Variants in SHQ1 observed in about 807,000 individuals in gnomAD.
The protein encoded by SHQ1 is protein SHQ1 homolog.
SHQ1 carries 49 observed loss-of-function variants against 53.8 expected under a neutral mutation model. That is an observed-to-expected ratio of 0.91 (90% confidence interval 0.72 to 1.16). The LOEUF is 1.16. Among genes scored for constraint, SHQ1 ranks in the 50% most tolerant of loss-of-function variants. The probability of loss-of-function intolerance (pLI) is 0.00; values close to 1 mark genes in which losing one functional copy is unlikely to be tolerated. For synonymous variants in SHQ1, 243 were observed against 251.0 expected (o/e 0.97, Z 0.30); for missense variants, 738 against 683.1 (o/e 1.08, Z -0.90).
intron 9 of SHQ1, among the ~76,000 whole-genome samples, chr3:72,811,981 C>T (rs1415985914): frequency 6.6e-6 from 1 of 152,098 alleles, no homozygotes; most frequent in African/African-American, 2.4e-5. Flanking sequence ...ATGGATGTTG[C>T]CCCCTTCAAA....
At chr3:72,834,620 G>A (rs745939027) in intron 4 of SHQ1, among the ~76,000 whole-genome samples, 1 of 152,324 alleles carries the variant, frequency 6.6e-6, no homozygotes, top group East Asian at 1.9e-4. Context: ...ATTACTGGCT[G>A]TCTCCAAACT....
the SHQ1 span, among the ~76,000 whole-genome samples, chr3:72,743,116 C>T: frequency 6.6e-6 from 1 of 152,154 alleles, no homozygotes; most frequent in African/African-American, 2.4e-5. Context: ...ATGTCAGCAC[C>T]CTCTGCACGC....
In SHQ1 at chr3:72,845,432, G is replaced by T. The variant is rs541521439; in HGVS notation, c.144-1009C>A. ...CAGGAAGGGGAGGTTGCAGTGAGCCGAGATCATTTGCCACTGCACTCCAGC... is the reference window on the plus strand; with the variant it reads ...CAGGAAGGGGAGGTTGCAGTGAGCCTAGATCATTTGCCACTGCACTCCAGC... On this transcript the variant is annotated intron_variant, in intron 1 of 10. Transcript: ENST00000325599. 2.0e-5 allele frequency among the ~76,000 whole-genome samples: 3 copies of T among 151,586 alleles called. No homozygotes were observed. The South Asian group carries it at 6.2e-4, about 32-fold the overall frequency.
chr3:72,763,063 A>ACACACACACACACT (rs1491509394), intron 10 of SHQ1, among the ~76,000 whole-genome samples: 1 of 88,008 alleles, frequency 1.1e-5, no homozygotes, highest in African/African-American at 4.1e-5. Flanking sequence ...ACACACACAC[A>ACACACACACACACT]GAGAGAGAGA....
At chr3:72,787,430 T>C (rs1241017697) in intron 10 of SHQ1, among the ~76,000 whole-genome samples, 1 of 152,194 alleles carries the variant, frequency 6.6e-6, no homozygotes, top group Non-Finnish European at 1.5e-5. Context: ...AATTTTTCCA[T>C]GTAGCAAAAA....
In SHQ1 at chr3:72,762,921, T is replaced by C. The variant is rs1218158994; in HGVS notation, c.1182-12085A>G. Among the ~76,000 whole-genome samples the C allele has an allele frequency of 2.0e-5, 3 of 149,004 alleles. No homozygotes were observed. In the East Asian group the frequency reaches 5.8e-4, roughly 29 times the overall value. ...AACCCCTTACCTCCGGTGATCCATCTGCCTCAGCCTCCCAAAGTGCTGGGA... is the reference window on the plus strand; with the variant it reads ...AACCCCTTACCTCCGGTGATCCATCCGCCTCAGCCTCCCAAAGTGCTGGGA... On this transcript the variant is annotated intron_variant, in intron 10 of 10. Transcript: ENST00000325599.
chr3:72,843,687 A>T (rs1708245666), intron 2 of SHQ1, among the ~76,000 whole-genome samples: 1 of 152,174 alleles, frequency 6.6e-6, no homozygotes, highest in African/African-American at 2.4e-5. Context: ...CAGTTTCACT[A>T]TACTTCATTA....
chr3:72,750,490 G>A lies in SHQ1; in HGVS notation c.1528C>T (p.Arg510Cys), dbSNP rs145150877. Residue 510 changes from arginine (R) to cysteine (C), a missense_variant, in exon 11 of 11, where the codon CGC (arginine) becomes TGC (cysteine). By Grantham distance (180) the Arg-to-Cys change is radical. Coordinates refer to ENST00000325599, the MANE Select transcript of SHQ1 (RefSeq NM_018130.3). ...SAFLIVDGGV[R>C]RNTAIQESDA... ...GACTCCTGGATGGCTGTGTTTCTGCGTACTCCACCATCAACAATAAGAAAG... is the reference window on the plus strand; with the variant it reads ...GACTCCTGGATGGCTGTGTTTCTGCATACTCCACCATCAACAATAAGAAAG... 6.8e-5 allele frequency: 110 copies of A among 1,614,120 alleles called. No homozygotes were observed. The Middle Eastern group carries it at 8.2e-4, about 12-fold the overall frequency.
chr3:72,737,173 G>T, the SHQ1 span, among the ~76,000 whole-genome samples: 1 of 151,986 alleles, frequency 6.6e-6, no homozygotes, highest in Non-Finnish European at 1.5e-5. Context: ...AGCTACTCAG[G>T]AGACTGAGGC....
At chr3:72,732,388 G>GCCTTCTTTCCTTCCTTCCTTCCTTCCTT in the SHQ1 span, among the ~76,000 whole-genome samples, 1 of 58,112 alleles carries the variant, frequency 1.7e-5, no homozygotes, top group Non-Finnish European at 3.7e-5. Context: ...CTGCCTGCCT[G>GCCTTCTTTCCTTCCTTCCTTCCTTCCTT]CCTTCCTTCC....
At chr3:72,838,326 TAG>T (rs1559699097) in intron 4 of SHQ1, among the ~76,000 whole-genome samples, 2 of 152,218 alleles carry the variant, frequency 1.3e-5, no homozygotes, top group African/African-American at 2.4e-5. Context: ...ATAAAACCCT[TAG>T]AGTTTTCCCA....
At chr3:72,828,127 T>C (rs1707717622) in intron 5 of SHQ1, among the ~76,000 whole-genome samples, 1 of 152,184 alleles carries the variant, frequency 6.6e-6, no homozygotes, top group Admixed American at 6.5e-5. Context: ...ATCAGGAAGA[T>C]GAAGATCTGT....
At chr3:72,732,376 GCCTGCCTGCCTGCCTTCCTT>G in the SHQ1 span, among the ~76,000 whole-genome samples, 449 of 100,126 alleles carry the variant, frequency 4.5e-3, 6 homozygotes, top group African/African-American at 0.017. Flanking sequence ...CTGCCTGCCT[GCCTGCCTGCCTGCCTTCCTT>G]CCTTCCTTCC....
At chr3:72,787,778 T>C (rs1284648729) in intron 10 of SHQ1, among the ~76,000 whole-genome samples, 2 of 150,828 alleles carry the variant, frequency 1.3e-5, no homozygotes, top group Non-Finnish European at 3.0e-5. Context: ...GAGGCTGGAC[T>C]GTACTGCCGC....
intron 5 of SHQ1, among the ~76,000 whole-genome samples, chr3:72,828,696 A>G (rs1412954724): frequency 6.6e-6 from 1 of 152,110 alleles, no homozygotes; most frequent in African/African-American, 2.4e-5. Context: ...CTCTGTCTCA[A>G]AAAAAAGAGA....
intron 10 of SHQ1, chr3:72,772,963 G>A (rs1705887106): frequency 9.1e-6 from 10 of 1,104,348 alleles, no homozygotes; most frequent in South Asian, 9.0e-5. Context: ...ACAAAATCAA[G>A]AAGAAGAAAG....
At chr3:72,837,895 C>T (rs981709658) in intron 4 of SHQ1, among the ~76,000 whole-genome samples, 6 of 152,200 alleles carry the variant, frequency 3.9e-5, no homozygotes, top group Non-Finnish European at 8.8e-5. Context: ...TTCATAAAAC[C>T]TATCTACCTT....
At chr3:72,777,326 T>C (rs960873017) in intron 10 of SHQ1, among the ~76,000 whole-genome samples, 3 of 152,150 alleles carry the variant, frequency 2.0e-5, no homozygotes, top group African/African-American at 4.8e-5. Flanking sequence ...GTATCCAGAA[T>C]ACTGGAAGGA....
At chr3:72,805,456 T>G (rs1199638812) in intron 9 of SHQ1, among the ~76,000 whole-genome samples, 1 of 152,194 alleles carries the variant, frequency 6.6e-6, no homozygotes, top group Admixed American at 6.5e-5. Context: ...TATTTTCTTA[T>G]AGAAAGTTAC....
Sources: allele counts gnomAD v4.1 joint callset (sites outside exome capture counted in the v4.1 genomes callset), GRCh38; gene constraint gnomAD v4.1.1; transcripts MANE v1.5; gene names NCBI Gene and HGNC (gene_info 2026-07-23, HGNC 2026-07-21).